NCKAP1L: variants seen among roughly 807,000 people sequenced by gnomAD.
NCKAP1L encodes the protein nck-associated protein 1-like.
NCKAP1L carries 53 observed loss-of-function variants against 139.2 expected under a neutral mutation model. The ratio of observed to expected loss-of-function variants is 0.38; its 90% confidence interval spans 0.31 to 0.48. NCKAP1L has a LOEUF of 0.48. NCKAP1L is among the 20% of genes least tolerant of loss of function. The pLI is 0.98. For synonymous variants in NCKAP1L, 468 were observed against 499.7 expected (o/e 0.94, Z 0.85); for missense variants, 1,151 against 1,381.9 (o/e 0.83, Z 2.65).
chr12:54,536,357 C>G, intron 28 of NCKAP1L, 112 bp downstream of exon 28: 1 of 832,532 alleles, frequency 1.2e-6, no homozygotes, highest in Non-Finnish European at 2.0e-6. Context: ...GTGTAAAGTT[C>G]TGTTTCAAAA....
intron 9 of NCKAP1L, among the ~76,000 whole-genome samples, chr12:54,513,771 A>C (rs1057009636): frequency 7.2e-5 from 11 of 152,206 alleles, no homozygotes; most frequent in African/African-American, 2.7e-4. Context: ...GGAATTTAAT[A>C]AACAGCTCTT....
At chr12:54,536,061 CT>C in intron 27 of NCKAP1L, 67 bp from the exon 28 acceptor site, 3 of 1,115,060 alleles carry the variant, frequency 2.7e-6, no homozygotes, top group Non-Finnish European at 4.1e-6. Context: ...AGTAGGACCC[CT>C]GTAACAGATA....
Position 54,509,891 on chromosome 12 carries a change from G to A in NCKAP1L, c.641G>A (p.Arg214Gln). 6 of 1,614,168 alleles carry A rather than the reference G, an allele frequency of 3.7e-6. No individual in the cohort carries two copies. Among genetic ancestry groups the A allele is most frequent in the African/African-American group, 1.3e-5 (1 of 75,018 alleles). The change falls in exon 7 of 31, where the codon CGA (arginine) becomes CAA (glutamine). Residue 214 changes from arginine (R) to glutamine (Q), a missense_variant. By Grantham distance (43) the Arg-to-Gln change is conservative (BLOSUM62 1). Coordinates refer to ENST00000293373, the MANE Select transcript of NCKAP1L (RefSeq NM_005337.5). ...ALLSLHFLFV[R>Q]RNQGAEQWRS... ...CTCTCTTTGCATTTCCTCTTTGTCC[G>A]AAGAAACCAGGGGGCTGAGCAGTGG...
In NCKAP1L at chr12:54,547,863, C is replaced by T. The variant is rs1415394799; in HGVS notation, c.*5178C>T. 6.6e-6 allele frequency: 1 copy of T among 152,106 alleles called. No homozygotes were observed. Among genetic ancestry groups the T allele is most frequent in the African/African-American group, 2.4e-5 (1 of 41,404 alleles). 9.4% of individuals were successfully genotyped at this position (152,106 alleles called of 1,614,324 possible). On this transcript the variant is annotated 3_prime_UTR_variant, in exon 31 of 31. Coordinates refer to ENST00000293373, the MANE Select transcript of NCKAP1L (RefSeq NM_005337.5). ...GGTCTCAGATGCAGCCATTTCTTGG[C>T]TGGGTCTGGGGAAAAGCCAAGGGAT...
intron 1 of NCKAP1L, 107 bp downstream of exon 1, chr12:54,497,998 T>G: frequency 1.5e-6 from 1 of 683,966 alleles, no homozygotes; most frequent in Non-Finnish European, 2.7e-6. Flanking sequence ...TTTCCACTGC[T>G]TTTCCACTGA....
rs5798307 is a variant in NCKAP1L at position 54,536,716 on chromosome 12, G to GA, written c.3074-215dup. Among the ~76,000 whole-genome samples, 153 of 145,584 alleles carry GA rather than the reference G, an allele frequency of 1.1e-3. No homozygotes were observed. In the Middle Eastern group the frequency reaches 0.015, roughly 14 times the overall value. ...AAAACACCAAAACACCCCCTACCCT[G>GA]AAAAAAAAAAAAACCAGAATGAGAG... On this transcript the variant is annotated intron_variant, in intron 28 of 30. Transcript: ENST00000293373.
Position 54,547,024 on chromosome 12 carries a change from G to A in NCKAP1L, c.*4339G>A, listed in dbSNP as rs1465632713. 1 of 152,162 alleles carries A rather than the reference G, an allele frequency of 6.6e-6. No homozygotes were observed. The highest frequency in any genetic ancestry group is 1.5e-5 in the Non-Finnish European group (1 of 68,032). The allele number at this position is 152,162 out of a possible 1,614,324, so 9.4% of individuals were successfully genotyped here. ...GATTGTGGGGTTAGGGGAGTGAGGA[G>A]GCAGAGCCTCCTAGGGGTAGGGGGC... On this transcript the variant is annotated 3_prime_UTR_variant, in exon 31 of 31. Coordinates refer to ENST00000293373, the MANE Select transcript of NCKAP1L (RefSeq NM_005337.5).
intron 30 of NCKAP1L, 24 bp downstream of exon 30, chr12:54,538,997 G>A (rs762992374): frequency 6.2e-7 from 1 of 1,600,932 alleles, no homozygotes; most frequent in Non-Finnish European, 8.6e-7. Context: ...TTAAATTGGT[G>A]TGAGAATAGG....
In NCKAP1L at chr12:54,510,192, A is replaced by G. The variant is rs142535995; in HGVS notation, c.735+207A>G. Among the ~76,000 whole-genome samples the G allele has an allele frequency of 3.9e-5, 6 of 152,348 alleles. No individual in the cohort carries two copies. The Middle Eastern group carries it at 0.017, about 432-fold the overall frequency. ...TTGGATCAGGGTTAGTGGTTTAACA[A>G]AAGTGATCTATAAGCAGTTAGCCTG... On this transcript the variant is annotated intron_variant, in intron 7 of 30. Transcript: ENST00000293373.
At chr12:54,537,646 A>G (rs746408109) in intron 29 of NCKAP1L, among the ~76,000 whole-genome samples, 1 of 152,222 alleles carries the variant, frequency 6.6e-6, no homozygotes, top group Non-Finnish European at 1.5e-5. Context: ...CAAATGATCA[A>G]TGACTACTTC....
chr12:54,531,543 G>A lies in NCKAP1L; in HGVS notation c.2657G>A (p.Ser886Asn). 1.2e-6 allele frequency: 2 copies of A among 1,614,228 alleles called. No homozygotes were observed. The highest frequency in any genetic ancestry group is 1.3e-5 in the African/African-American group (1 of 75,050). ...DILVQIRSNF[S>N]KPDLMASLLP... ...CTTGTTCAGATCAGATCCAACTTTA[G>A]CAAGCCGGACTTGATGGCTTCCCTG... The change falls in exon 24 of 31, where the codon AGC becomes AAC. Residue 886 changes from serine to asparagine, a missense_variant. Transcript: ENST00000293373.
chr12:54,518,514 T>C (rs538182934), intron 13 of NCKAP1L, 137 bp from the exon 14 acceptor site: 1 of 761,252 alleles, frequency 1.3e-6, no homozygotes, highest in East Asian at 2.5e-5. Flanking sequence ...TTCCTTCATC[T>C]CTTGCTTGGC....
chr12:54,516,335 T>C lies in NCKAP1L; in HGVS notation c.998+40T>C. On this transcript the variant is annotated intron_variant, in intron 10 of 30. Coordinates refer to ENST00000293373, the MANE Select transcript of NCKAP1L (RefSeq NM_005337.5). ...ATGCACTCTCTGAGAGGGGATGGAA[T>C]AGGAATCTCTTCTCACTTTTGTTCT... is the stretch of plus-strand genomic sequence containing the variant. 3.8e-6 allele frequency: 6 copies of C among 1,575,702 alleles called. No individual in the cohort carries two copies. In the South Asian group the frequency reaches 6.7e-5, roughly 17 times the overall value.
chr12:54,505,444 CT>C (rs60418317), intron 3 of NCKAP1L, among the ~76,000 whole-genome samples: 122,417 of 139,536 alleles, frequency 0.88, 53,749 homozygotes, highest in East Asian at 0.98. Flanking sequence ...TTCCTTGTGC[CT>C]TTTTTTTTTT....
Position 54,536,304 on chromosome 12 carries a change from G to C in NCKAP1L, c.3073+59G>C, listed in dbSNP as rs150700293. Reference sequence around the variant, plus strand: ...ATTCAAGTTAGTGTCCTGGGGTAGAGAGAGGAGACAGAGATACTGGAAAAT... The same window carrying C: ...ATTCAAGTTAGTGTCCTGGGGTAGACAGAGGAGACAGAGATACTGGAAAAT... On this transcript the variant is annotated intron_variant, in intron 28 of 30. Coordinates refer to ENST00000293373, the MANE Select transcript of NCKAP1L (RefSeq NM_005337.5). 4.1e-6 allele frequency: 5 copies of C among 1,210,738 alleles called. No individual in the cohort carries two copies. In the South Asian group the frequency reaches 4.8e-5, roughly 12 times the overall value. The allele number at this position is 1,210,738 out of a possible 1,614,324, so 75.0% of individuals were successfully genotyped here.
At chr12:54,540,748 C>A (rs140230335) in intron 30 of NCKAP1L, among the ~76,000 whole-genome samples, 1 of 152,168 alleles carries the variant, frequency 6.6e-6, no homozygotes, top group East Asian at 1.9e-4. Flanking sequence ...TTCTGTATTA[C>A]CCACCTGTAT....
chr12:54,526,751 G>C lies in NCKAP1L; in HGVS notation c.2375+5G>C. The C allele has an allele frequency of 6.2e-7, 1 of 1,611,690 alleles. No individual in the cohort carries two copies. Among genetic ancestry groups the C allele is most frequent in the Non-Finnish European group, 8.5e-7 (1 of 1,178,366 alleles). ...CACCACACTCTACACAAACTGGTCAGTGTTGCTTAGGCTTTTCCACTGCCT... is the reference window on the plus strand; with the variant it reads ...CACCACACTCTACACAAACTGGTCACTGTTGCTTAGGCTTTTCCACTGCCT... On this transcript the variant is annotated splice_donor_5th_base_variant and intron_variant, in intron 21 of 30. Transcript: ENST00000293373.
chr12:54,497,775 C>G lies in NCKAP1L; in HGVS notation c.-15C>G. 2 of 1,554,988 alleles carry G rather than the reference C, an allele frequency of 1.3e-6. No individual in the cohort carries two copies. The highest frequency in any genetic ancestry group is 1.7e-5 in the Admixed American group (1 of 59,934). On this transcript the variant is annotated 5_prime_UTR_variant, in exon 1 of 31. Transcript: ENST00000293373. Reference sequence around the variant, plus strand: ...TCAGACATTGCTGTCTGGTGCTCCTCTCTCAGTGGCCATCATGTCTTTGAC... The same window carrying G: ...TCAGACATTGCTGTCTGGTGCTCCTGTCTCAGTGGCCATCATGTCTTTGAC...
rs1249462381 is a variant in NCKAP1L at position 54,517,790 on chromosome 12, A to G, written c.1206-16A>G. Reference sequence around the variant, plus strand: ...TCTAGTCTTATTCATCTCTGTTCTCATCCTAAACTTTATAGGAGCATTGCA... The same window carrying G: ...TCTAGTCTTATTCATCTCTGTTCTCGTCCTAAACTTTATAGGAGCATTGCA... On this transcript the variant is annotated splice_polypyrimidine_tract_variant and intron_variant, in intron 12 of 30. Coordinates refer to ENST00000293373, the MANE Select transcript of NCKAP1L (RefSeq NM_005337.5). The G allele has an allele frequency of 1.2e-6, 2 of 1,613,702 alleles. No individual in the cohort carries two copies. Among genetic ancestry groups the G allele is most frequent in the Non-Finnish European group, 1.7e-6 (2 of 1,179,782 alleles).
Sources: gnomAD v4.1 joint callset for allele counts (sites outside exome capture counted in the v4.1 genomes callset) on GRCh38, gnomAD v4.1.1 for gene constraint, MANE v1.5 for transcripts, NCBI Gene and HGNC (gene_info 2026-07-23, HGNC 2026-07-21) for gene names.